Variants in NRG4 observed in about 807,000 individuals in gnomAD.
NRG4 encodes the protein pro-neuregulin-4, membrane-bound isoform.
NRG4 carries 10 observed loss-of-function variants against 15.0 expected under a neutral mutation model. That is an observed-to-expected ratio of 0.67 (90% CI 0.41 to 1.13). The LOEUF (loss-of-function observed/expected upper bound fraction) is 1.13, where lower values mean the gene tolerates loss of function less well. Among genes scored for constraint, NRG4 ranks in the 50% most tolerant of loss-of-function variants. The pLI is 0.00. For missense variants in NRG4, 139 were observed against 140.2 expected, an observed-to-expected ratio of 0.99 and a Z score of 0.04; for synonymous variants, 41 against 50.1, an observed-to-expected ratio of 0.82 and a Z score of 0.77.
chr15:76,055,501 G>A (rs1219626753), intron 2 of NRG4, among the ~76,000 whole-genome samples: 1 of 152,150 alleles, frequency 6.6e-6, no homozygotes, highest in Non-Finnish European at 1.5e-5. Flanking sequence ...GACCACCAGG[G>A]TTGCGAACAT....
intron 4 of NRG4, among the ~76,000 whole-genome samples, chr15:75,960,449 G>A (rs2032460320): frequency 1.3e-5 from 2 of 152,266 alleles, no homozygotes; most frequent in Middle Eastern, 6.8e-3. Flanking sequence ...GGCATCTTTT[G>A]CTTGGGCTCT....
chr15:75,998,320 G>A (rs1470903329), intron 3 of NRG4, among the ~76,000 whole-genome samples: 4 of 152,242 alleles, frequency 2.6e-5, no homozygotes, highest in Middle Eastern at 3.4e-3. Context: ...AGGAAGAGAG[G>A]GAATAGGCGA....
upstream of NRG4, among the ~76,000 whole-genome samples, chr15:76,014,649 G>A (rs185411272): frequency 6.6e-6 from 1 of 152,268 alleles, no homozygotes; most frequent in East Asian, 1.9e-4. Context: ...AGATCAGATG[G>A]TTGTAGATGG....
Position 75,941,805 on chromosome 15 carries a change from C to G in NRG4, c.*1833G>C, listed in dbSNP as rs1168331473. On this transcript the variant is annotated 3_prime_UTR_variant, in exon 6 of 6. Transcript: ENST00000394907. ...AGGGGCACAGAGATTAGTGTGGGATCATGAAAAAGTTCCGGAGGTGCATAG... is the reference window on the plus strand; with the variant it reads ...AGGGGCACAGAGATTAGTGTGGGATGATGAAAAAGTTCCGGAGGTGCATAG... The G allele has an allele frequency of 6.6e-6, 1 of 151,990 alleles. No homozygotes were observed. Among genetic ancestry groups the G allele is most frequent in the Non-Finnish European group, 1.5e-5 (1 of 67,942 alleles). The allele number at this position is 151,990 out of a possible 1,614,324, so 9.4% of individuals were successfully genotyped here.
Position 76,012,368 on chromosome 15 carries a change from T to C in NRG4, c.-106A>G, listed in dbSNP as rs1344326268. 5 of 152,242 alleles carry C rather than the reference T, an allele frequency of 3.3e-5. No homozygotes were observed. In the East Asian group the frequency reaches 9.6e-4, roughly 29 times the overall value. The allele number at this position is 152,242 out of a possible 1,614,324, so 9.4% of individuals were successfully genotyped here. A position where few individuals can be genotyped will look rare whatever the true frequency, so the allele number is the denominator to read the frequency against. On this transcript the variant is annotated 5_prime_UTR_variant, in exon 1 of 6. Transcript: ENST00000394907. Reference sequence around the variant, plus strand: ...TGGACATGCAGTGTTTCAAAAGTTTTTGAATACCGCAGACAACAGCAGCTG... The same window carrying C: ...TGGACATGCAGTGTTTCAAAAGTTTCTGAATACCGCAGACAACAGCAGCTG...
At chr15:76,051,282 G>A (rs1376576583) in intron 4 of NRG4, among the ~76,000 whole-genome samples, 2 of 150,174 alleles carry the variant, frequency 1.3e-5, no homozygotes, top group Non-Finnish European at 3.0e-5. Flanking sequence ...TGGGATTACA[G>A]GCGTGAGCCA....
At chr15:75,995,756 T>C (rs112037500) in intron 3 of NRG4, among the ~76,000 whole-genome samples, 2,323 of 152,266 alleles carry the variant, frequency 0.015, 58 homozygotes, top group African/African-American at 0.052. Context: ...ACTAGCTGAA[T>C]ATGCATTAAC....
downstream of NRG4, chr15:75,935,807 A>C (rs1284286757): frequency 6.6e-6 from 1 of 151,810 alleles, no homozygotes; most frequent in African/African-American, 2.4e-5. Context: ...TTTTTTTTTG[A>C]GACGGAGTCC....
downstream of NRG4, chr15:75,936,929 T>C (rs908227134): frequency 6.6e-6 from 1 of 152,094 alleles, no homozygotes; most frequent in African/African-American, 2.4e-5. Flanking sequence ...TAGTGACTGT[T>C]AGCCAGTAAA....
At chr15:75,997,327 T>A (rs1392138901) in intron 3 of NRG4, among the ~76,000 whole-genome samples, 1 of 152,138 alleles carries the variant, frequency 6.6e-6, no homozygotes, top group Non-Finnish European at 1.5e-5. Context: ...ATCATCTTCT[T>A]ACCCTTCTTT....
chr15:76,009,563 A>T (rs562140480), intron 2 of NRG4, among the ~76,000 whole-genome samples: 2 of 152,296 alleles, frequency 1.3e-5, no homozygotes, highest in South Asian at 4.1e-4. Context: ...TATCTATATT[A>T]GTTAGATTAA....
In NRG4 at chr15:75,944,322, A is replaced by ATG. The variant is rs1555428804; in HGVS notation, c.332-669_332-668insCA. Among the ~76,000 whole-genome samples the ATG allele has an allele frequency of 0.018, 4 of 228 alleles. No homozygotes were observed. In the South Asian group the frequency reaches 0.4, roughly 23 times the overall value. The allele number at this position is 228 out of a possible 152,430, so 0.1% of individuals were successfully genotyped here. ...ATATTAACCATAGTACCTGGCACAC[A>ATG]GGCATGTGGTGTGCATGATCATACT... On this transcript the variant is annotated intron_variant, in intron 5 of 5. Coordinates refer to ENST00000394907, the MANE Select transcript of NRG4 (RefSeq NM_138573.4).
chr15:76,032,280 G>T (rs1299127108), intron 5 of NRG4, among the ~76,000 whole-genome samples: 1 of 151,868 alleles, frequency 6.6e-6, no homozygotes, highest in African/African-American at 2.4e-5. Flanking sequence ...TTTTTGTGAG[G>T]CCTGACTCAG....
intron 2 of NRG4, chr15:76,053,440 A>C (rs528350994): frequency 1.3e-5 from 2 of 151,224 alleles, no homozygotes; most frequent in South Asian, 4.2e-4. Context: ...AGTATATATA[A>C]AGCACATAGA....
chr15:75,951,557 T>C (rs748985321), intron 5 of NRG4, among the ~76,000 whole-genome samples: 1 of 152,194 alleles, frequency 6.6e-6, no homozygotes, highest in Non-Finnish European at 1.5e-5. Flanking sequence ...CATATCACAT[T>C]AATTTTTATC....
chr15:76,000,099 G>A lies in NRG4; in HGVS notation c.104+9101C>T, dbSNP rs577483971. Among the ~76,000 whole-genome samples, 20 of 152,218 alleles carry A rather than the reference G, an allele frequency of 1.3e-4. No individual in the cohort carries two copies. In the South Asian group the frequency reaches 3.7e-3, roughly 28 times the overall value. On this transcript the variant is annotated intron_variant, in intron 3 of 5. Coordinates refer to ENST00000394907, the MANE Select transcript of NRG4 (RefSeq NM_138573.4). ...GGGTTTCACCATGTTGGCCAGGCTG[G>A]TCTGGAACTCCTGACCTCAGATGAT...
chr15:75,962,126 A>G, intron 3 of NRG4, 152 bp from the exon 4 acceptor site: 1 of 511,348 alleles, frequency 2.0e-6, no homozygotes. Context: ...ATGCTCACAG[A>G]TCTACAGTTA....
At chr15:75,981,707 A>T (rs1475689721) in intron 3 of NRG4, among the ~76,000 whole-genome samples, 2 of 152,170 alleles carry the variant, frequency 1.3e-5, no homozygotes, top group African/African-American at 4.8e-5. Flanking sequence ...AATACCTGTC[A>T]AATGGTCGTT....
chr15:75,991,725 T>A (rs1291291032), intron 3 of NRG4, among the ~76,000 whole-genome samples: 10 of 151,980 alleles, frequency 6.6e-5, no homozygotes, highest in Admixed American at 6.6e-4. Context: ...CTCTACCAAA[T>A]GTTTCATGAT....
Sources: allele counts gnomAD v4.1 joint callset (sites outside exome capture counted in the v4.1 genomes callset), GRCh38; gene constraint gnomAD v4.1.1; transcripts MANE v1.5; gene names NCBI Gene and HGNC (gene_info 2026-07-23, HGNC 2026-07-21).